CAST: variants seen among roughly 807,000 people sequenced by gnomAD.
CAST encodes the protein calpastatin.
Under a neutral mutation model 119.6 loss-of-function variants are expected in CAST, and 76 were observed. The ratio of observed to expected loss-of-function variants is 0.64; its 90% CI spans 0.53 to 0.77. CAST has a LOEUF of 0.77. CAST is among the 30% of genes least tolerant of loss of function. The probability of loss-of-function intolerance (pLI) is 0.00; values close to 1 mark genes in which losing one functional copy is unlikely to be tolerated. For missense variants in CAST, 953 were observed against 946.5 expected (o/e 1.01, Z -0.09); for synonymous variants, 319 against 331.6 (o/e 0.96, Z 0.41).
the CAST span, among the ~76,000 whole-genome samples, chr5:95,974,560 CA>C: frequency 6.6e-6 from 1 of 152,214 alleles, no homozygotes; most frequent in East Asian, 1.9e-4. Context: ...TGATATTCTG[CA>C]AAAGGCAAAA....
At chr5:96,548,853 T>G (rs1746066944) in intron 1 of CAST, among the ~76,000 whole-genome samples, 1 of 152,236 alleles carries the variant, frequency 6.6e-6, no homozygotes, top group African/African-American at 2.4e-5. Flanking sequence ...AGTATGTCCC[T>G]GCTCTAGCCC....
chr5:96,532,437 G>C (rs1257229063), intron 1 of CAST, among the ~76,000 whole-genome samples: 1 of 152,156 alleles, frequency 6.6e-6, no homozygotes, highest in Non-Finnish European at 1.5e-5. Context: ...CTCTCAGTCA[G>C]AGCATGGTGG....
At chr5:96,006,747 A>C in the CAST span, among the ~76,000 whole-genome samples, 1 of 152,208 alleles carries the variant, frequency 6.6e-6, no homozygotes, top group South Asian at 2.1e-4. Context: ...ACCACGGCGA[A>C]TGTACAGTGC....
the CAST span, among the ~76,000 whole-genome samples, chr5:96,049,912 A>G: frequency 1.0e-4 from 15 of 148,642 alleles, no homozygotes; most frequent in East Asian, 5.9e-4. Flanking sequence ...AAAAAAAAAA[A>G]AAAAAGAAAA....
the CAST span, among the ~76,000 whole-genome samples, chr5:96,232,338 C>G: frequency 6.6e-6 from 1 of 152,018 alleles, no homozygotes; most frequent in African/African-American, 2.4e-5. Flanking sequence ...ACAACTTATA[C>G]TGTGTGTGAT....
chr5:96,675,607 T>C lies in CAST; in HGVS notation c.138+6T>C. On this transcript the variant is annotated splice_donor_region_variant and intron_variant, in intron 2 of 31. Coordinates refer to ENST00000675179, the MANE Select transcript of CAST (RefSeq NM_001750.7). ...AAAAGAAAGGATCAGATGAGGTAATTTCCACAATACTGGGCTTTCATTTTC... is the reference window on the plus strand; with the variant it reads ...AAAAGAAAGGATCAGATGAGGTAATCTCCACAATACTGGGCTTTCATTTTC... 1 of 1,602,144 alleles carries C rather than the reference T, an allele frequency of 6.2e-7. No individual in the cohort carries two copies. Among genetic ancestry groups the C allele is most frequent in the Non-Finnish European group, 8.6e-7 (1 of 1,169,342 alleles).
intron 3 of CAST, among the ~76,000 whole-genome samples, chr5:96,710,546 C>T (rs752818909): frequency 3.0e-4 from 45 of 152,080 alleles, no homozygotes; most frequent in Non-Finnish European, 4.9e-4. Flanking sequence ...TAATTCTCTT[C>T]CAGGACCATT....
At chr5:96,766,545 G>C (rs112257770) in intron 27 of CAST, among the ~76,000 whole-genome samples, 1 of 152,164 alleles carries the variant, frequency 6.6e-6, no homozygotes, top group African/African-American at 2.4e-5. Context: ...TAATAAGGCA[G>C]CTCCAAGACC....
intron 1 of CAST, among the ~76,000 whole-genome samples, chr5:96,583,445 A>G (rs2061277): frequency 0.089 from 13,563 of 152,160 alleles, 1,139 homozygotes; most frequent in East Asian, 0.32. Flanking sequence ...TTAAGCACAT[A>G]TGTTCAAATT....
At chr5:96,347,065 T>C in the CAST span, among the ~76,000 whole-genome samples, 1 of 152,086 alleles carries the variant, frequency 6.6e-6, no homozygotes, top group African/African-American at 2.4e-5. Flanking sequence ...TAGATCAGCA[T>C]TGGTGGGAGG....
chr5:96,556,699 T>C (rs1036893366), intron 1 of CAST, among the ~76,000 whole-genome samples: 7 of 152,102 alleles, frequency 4.6e-5, no homozygotes, highest in Non-Finnish European at 8.8e-5. Context: ...CCAAGAAATA[T>C]GGGACTATGT....
chr5:96,091,839 AC>A, the CAST span, among the ~76,000 whole-genome samples: 1 of 152,188 alleles, frequency 6.6e-6, no homozygotes, highest in South Asian at 2.1e-4. Flanking sequence ...TTCATGTGAT[AC>A]AGGAATAACA....
chr5:96,498,349 T>A, the CAST span, among the ~76,000 whole-genome samples: 5 of 152,196 alleles, frequency 3.3e-5, no homozygotes, highest in African/African-American at 7.2e-5. Flanking sequence ...ATGTGGGCTC[T>A]TTTTTGGTTC....
the CAST span, among the ~76,000 whole-genome samples, chr5:96,296,429 C>A: frequency 6.6e-6 from 1 of 152,136 alleles, no homozygotes; most frequent in Non-Finnish European, 1.5e-5. Flanking sequence ...TGTAAATCTT[C>A]AGCTTATATG....
chr5:96,482,137 C>A, the CAST span, among the ~76,000 whole-genome samples: 998 of 152,140 alleles, frequency 6.6e-3, 12 homozygotes, highest in African/African-American at 0.023. Context: ...AAAGATCTGA[C>A]CTTTGCTGAA....
At chr5:96,743,087 G>C (rs1763025617) in intron 16 of CAST, among the ~76,000 whole-genome samples, 1 of 152,200 alleles carries the variant, frequency 6.6e-6, no homozygotes, top group Non-Finnish European at 1.5e-5. Context: ...TTTCAGAAGG[G>C]TTCTGGGTGC....
Position 96,681,393 on chromosome 5 carries a change from T to C in CAST, c.138+5792T>C, listed in dbSNP as rs534439915. Among the ~76,000 whole-genome samples the C allele has an allele frequency of 7.9e-5, 12 of 152,348 alleles. No homozygotes were observed. The South Asian group carries it at 2.5e-3, about 32-fold the overall frequency. On this transcript the variant is annotated intron_variant, in intron 2 of 31. Transcript: ENST00000675179. ...TTACTTTTTAGGAAGCCTATTTTTC[T>C]TGCCTTGGTGCAAGATTTTTTTCTT...
chr5:96,213,041 G>A, the CAST span, among the ~76,000 whole-genome samples: 1 of 152,058 alleles, frequency 6.6e-6, no homozygotes, highest in Non-Finnish European at 1.5e-5. Flanking sequence ...ATTGCTTCAG[G>A]CCAGGAGTTG....
At chr5:96,177,944 C>A in the CAST span, among the ~76,000 whole-genome samples, 3 of 152,194 alleles carry the variant, frequency 2.0e-5, no homozygotes, top group Non-Finnish European at 2.9e-5. Context: ...GAACTGTACT[C>A]TTCGCTAGAA....
Sources: gnomAD v4.1 joint callset for allele counts (sites outside exome capture counted in the v4.1 genomes callset) on GRCh38, gnomAD v4.1.1 for gene constraint, MANE v1.5 for transcripts, NCBI Gene and HGNC (gene_info 2026-07-23, HGNC 2026-07-21) for gene names.